GABBR2: variants seen among roughly 807,000 people sequenced by gnomAD.
GABBR2 encodes gamma-aminobutyric acid type B receptor subunit 2, also known as G-protein coupled receptor 51.
Under a neutral mutation model 105.6 loss-of-function variants are expected in GABBR2, and 23 were observed. That is an observed-to-expected ratio of 0.22 (90% confidence interval 0.16 to 0.31). GABBR2 has a LOEUF of 0.31. Ranked by LOEUF, GABBR2 falls within the 10% of genes least tolerant of loss-of-function variation. The pLI is 1.00. For missense variants in GABBR2, 734 were observed against 1,245.5 expected, an observed-to-expected ratio of 0.59 and a Z score of 6.18; for synonymous variants, 478 against 499.7, an observed-to-expected ratio of 0.96 and a Z score of 0.58.
At chr9:98,587,807 T>A (rs1347216766) in intron 1 of GABBR2, among the ~76,000 whole-genome samples, 1 of 152,246 alleles carries the variant, frequency 6.6e-6, no homozygotes, top group Non-Finnish European at 1.5e-5. Context: ...ATATTTTCTG[T>A]AGCAAAGGCA....
At chr9:98,592,063 C>T (rs758101626) in intron 1 of GABBR2, among the ~76,000 whole-genome samples, 47 of 152,202 alleles carry the variant, frequency 3.1e-4, no homozygotes, top group Admixed American at 9.8e-4. Flanking sequence ...ATGGAACAAC[C>T]GCCATCTTGA....
rs1826292072 is a variant in GABBR2, at chr9:98,454,530, C to T, written c.1000-313G>A. On this transcript the variant is annotated intron_variant, in intron 6 of 18. Transcript: ENST00000259455. The surrounding 1 kb of genome is among the most constrained non-coding windows in gnomAD (Gnocchi z 4.6). ...GAGGGGATAATACACCCTAACCAGG[C>T]CTTTGCCTCTAAACTTGCAGGGCCT... Among the ~76,000 whole-genome samples, 1 of 152,184 alleles carries T rather than the reference C, an allele frequency of 6.6e-6. No homozygotes were observed. Among genetic ancestry groups the T allele is most frequent in the African/African-American group, 2.4e-5 (1 of 41,438 alleles).
chr9:98,424,423 A>G (rs981878162), intron 7 of GABBR2, among the ~76,000 whole-genome samples: 4 of 152,008 alleles, frequency 2.6e-5, no homozygotes, highest in African/African-American at 7.2e-5. Context: ...AACGGGCACA[A>G]GACAGGGATG....
At chr9:98,643,823 C>T (rs1312417374) in intron 1 of GABBR2, among the ~76,000 whole-genome samples, 1 of 152,204 alleles carries the variant, frequency 6.6e-6, no homozygotes, top group Non-Finnish European at 1.5e-5. Context: ...GCTGGCATTG[C>T]TGAAAACTGC....
chr9:98,669,696 A>G (rs190154680), intron 1 of GABBR2, among the ~76,000 whole-genome samples: 7 of 152,118 alleles, frequency 4.6e-5, no homozygotes, highest in African/African-American at 1.4e-4. Context: ...CATTAATACC[A>G]TAAGTCTTAA....
chr9:98,542,961 T>TA (rs1348369756), intron 2 of GABBR2, among the ~76,000 whole-genome samples: 3 of 144,164 alleles, frequency 2.1e-5, no homozygotes, highest in East Asian at 5.1e-4. Context: ...ATGAAGATAT[T>TA]TTATATATAT....
chr9:98,607,039 A>G (rs1420213544), intron 1 of GABBR2: 10 of 1,287,164 alleles, frequency 7.8e-6, no homozygotes, highest in Admixed American at 5.0e-5. Context: ...GGATTTGCCA[A>G]TCTCCCAAAC....
rs539399644 is a variant in GABBR2 at position 98,419,396 on chromosome 9, C to A, written c.1237-13255G>T. On this transcript the variant is annotated intron_variant, in intron 7 of 18. Transcript: ENST00000259455. ...TCTTAAAGAGCAGACGATCTTGGTG[C>A]CTCCTGGTGGGGAAGAAAGAACCTC... Among the ~76,000 whole-genome samples the A allele has an allele frequency of 2.6e-5, 4 of 152,282 alleles. No homozygotes were observed. In the South Asian group the frequency reaches 8.3e-4, roughly 32 times the overall value.
At chr9:98,660,337 A>G (rs1830241413) in intron 1 of GABBR2, among the ~76,000 whole-genome samples, 1 of 152,236 alleles carries the variant, frequency 6.6e-6, no homozygotes, top group Non-Finnish European at 1.5e-5. Flanking sequence ...CACTTCCACC[A>G]GTATGAAAAT....
chr9:98,419,589 G>A (rs1832746839), intron 7 of GABBR2, among the ~76,000 whole-genome samples: 2 of 152,192 alleles, frequency 1.3e-5, no homozygotes, highest in African/African-American at 2.4e-5. Flanking sequence ...AGGAGTGGGA[G>A]GTGGAGACCA....
At chr9:98,565,629 G>T (rs1318677940) in intron 2 of GABBR2, among the ~76,000 whole-genome samples, 2 of 152,172 alleles carry the variant, frequency 1.3e-5, no homozygotes, top group East Asian at 1.9e-4. Flanking sequence ...TGTCACCTGG[G>T]TGACTATGTC....
At chr9:98,606,883 G>A (rs10987005) in intron 1 of GABBR2, 41,755 of 572,198 alleles carry the variant, frequency 0.073, 1,702 homozygotes, top group African/African-American at 0.1. Flanking sequence ...AGCACCATGG[G>A]AGGTCTGATT....
intron 1 of GABBR2, among the ~76,000 whole-genome samples, chr9:98,673,934 C>T (rs533555623): frequency 6.6e-6 from 1 of 152,114 alleles, no homozygotes; most frequent in Non-Finnish European, 1.5e-5. Context: ...GGCAAAGCCT[C>T]GTTTGAGGCC....
intron 8 of GABBR2, among the ~76,000 whole-genome samples, chr9:98,396,791 G>A (rs966217878): frequency 2.0e-5 from 3 of 152,192 alleles, no homozygotes; most frequent in East Asian, 1.9e-4. Context: ...GCACCCCACC[G>A]CACCCCGGCC....
intron 1 of GABBR2, among the ~76,000 whole-genome samples, chr9:98,654,771 T>C (rs59613680): frequency 0.014 from 2,103 of 152,272 alleles, 45 homozygotes; most frequent in African/African-American, 0.048. Context: ...AGTTGAAAAC[T>C]TATGTCTACA....
intron 5 of GABBR2, among the ~76,000 whole-genome samples, chr9:98,474,063 A>T (rs1202933603): frequency 6.6e-6 from 1 of 152,214 alleles, no homozygotes; most frequent in African/African-American, 2.4e-5. Context: ...ATCCTAAAAA[A>T]ATTCCCTTAC....
intron 3 of GABBR2, among the ~76,000 whole-genome samples, chr9:98,502,583 C>T (rs578088318): frequency 6.6e-5 from 10 of 152,348 alleles, no homozygotes; most frequent in Non-Finnish European, 1.3e-4. Flanking sequence ...CTAACCCCTG[C>T]AACTCCCTGC....
chr9:98,508,315 G>A (rs781182571), intron 3 of GABBR2, among the ~76,000 whole-genome samples: 4 of 152,182 alleles, frequency 2.6e-5, no homozygotes, highest in Admixed American at 6.5e-5. Context: ...GAACAGCTCC[G>A]GTCTACAGTT....
At chr9:98,382,129 C>A (rs10986076) in intron 11 of GABBR2, among the ~76,000 whole-genome samples, 17,918 of 152,042 alleles carry the variant, frequency 0.12, 1,396 homozygotes, top group African/African-American at 0.21. Flanking sequence ...CCTCAGGACA[C>A]CTGAGGCATT....
Sources: gnomAD v4.1 joint callset for allele counts (sites outside exome capture counted in the v4.1 genomes callset) on GRCh38, gnomAD v4.1.1 for gene constraint, Gnocchi (gnomAD v3.1) non-coding constraint, MANE v1.5 for transcripts, NCBI Gene and HGNC (gene_info 2026-07-23, HGNC 2026-07-21) for gene names.